PHTF2: variants seen among roughly 807,000 people sequenced by gnomAD.
The protein encoded by PHTF2 is protein PHTF2.
A neutral mutation model predicts 101.2 loss-of-function variants in PHTF2; 60 were observed. The observed-to-expected ratio is 0.59, with a 90% confidence interval of 0.48 to 0.73. The LOEUF (loss-of-function observed/expected upper bound fraction) is 0.73. Ranked by LOEUF, PHTF2 falls within the 30% of genes least tolerant of loss-of-function variation. The pLI, the probability that PHTF2 is intolerant of heterozygous loss-of-function variation, is 0.00. For synonymous variants in PHTF2, 311 were observed against 307.3 expected (o/e 1.01, Z -0.13); for missense variants, 747 against 908.7 (o/e 0.82, Z 2.29).
chr7:77,859,455 A>C (rs1797440732), intron 3 of PHTF2, among the ~76,000 whole-genome samples: 1 of 152,218 alleles, frequency 6.6e-6, no homozygotes, highest in African/African-American at 2.4e-5. Flanking sequence ...TCATGTTCTT[A>C]AAAGTTACGA....
At chr7:77,811,253 T>C (rs1047202561) in intron 1 of PHTF2, among the ~76,000 whole-genome samples, 1 of 152,222 alleles carries the variant, frequency 6.6e-6, no homozygotes, top group Non-Finnish European at 1.5e-5. Flanking sequence ...TTGTGTACTT[T>C]CCAGTGCATT....
intron 3 of PHTF2, among the ~76,000 whole-genome samples, chr7:77,884,537 A>T (rs1381637938): frequency 9.2e-5 from 14 of 152,134 alleles, no homozygotes; most frequent in Non-Finnish European, 1.5e-5. Flanking sequence ...GACTGATAAC[A>T]TTTATTTTTT....
chr7:77,948,778 T>G (rs1806295554), intron 16 of PHTF2, among the ~76,000 whole-genome samples: 1 of 152,162 alleles, frequency 6.6e-6, no homozygotes, highest in Admixed American at 6.5e-5. Flanking sequence ...GGAAGTTAGA[T>G]AATAACAAGT....
At chr7:77,818,327 T>G (rs772590359) in intron 1 of PHTF2, among the ~76,000 whole-genome samples, 16 of 152,228 alleles carry the variant, frequency 1.1e-4, no homozygotes, top group Non-Finnish European at 1.9e-4. Flanking sequence ...CATAAAATCT[T>G]TTCCCAGAAA....
chr7:77,833,956 T>C (rs1795253220), intron 1 of PHTF2, among the ~76,000 whole-genome samples: 1 of 152,174 alleles, frequency 6.6e-6, no homozygotes, highest in African/African-American at 2.4e-5. Flanking sequence ...GAAACTTCTG[T>C]ACATTATTGG....
intron 3 of PHTF2, among the ~76,000 whole-genome samples, chr7:77,881,707 T>G (rs1799439449): frequency 6.6e-6 from 1 of 152,158 alleles, no homozygotes; most frequent in Admixed American, 6.5e-5. Flanking sequence ...TATTCCAGGA[T>G]GTCATGGTTA....
chr7:77,868,393 TC>T (rs1798248939), intron 3 of PHTF2, among the ~76,000 whole-genome samples: 2 of 131,116 alleles, frequency 1.5e-5, no homozygotes, highest in African/African-American at 5.7e-5. Context: ...GGTCTTGAAC[TC>T]CCGGCTTCAA....
intron 2 of PHTF2, among the ~76,000 whole-genome samples, chr7:77,853,632 A>T (rs1796941769): frequency 6.6e-6 from 1 of 151,964 alleles, no homozygotes; most frequent in South Asian, 2.1e-4. Context: ...GAGCTCAAGC[A>T]ATTCGCCTAC....
chr7:77,930,982 G>A (rs181850475), intron 12 of PHTF2, among the ~76,000 whole-genome samples: 5 of 152,200 alleles, frequency 3.3e-5, no homozygotes, highest in Admixed American at 1.3e-4. Flanking sequence ...CATATATACC[G>A]ATGGAACAGA....
At chr7:77,935,871 T>C (rs1043170356) in intron 12 of PHTF2, among the ~76,000 whole-genome samples, 1 of 152,248 alleles carries the variant, frequency 6.6e-6, no homozygotes, top group Non-Finnish European at 1.5e-5. Context: ...TGTTTCTGGC[T>C]TTTTGGTTTC....
At chr7:77,812,735 G>A (rs914686759) in intron 1 of PHTF2, among the ~76,000 whole-genome samples, 7 of 151,942 alleles carry the variant, frequency 4.6e-5, no homozygotes, top group Admixed American at 6.6e-5. Flanking sequence ...GACTACAGGC[G>A]CACGCCACCA....
In PHTF2 at chr7:77,901,752, C is replaced by CT. The variant is rs1801416676; in HGVS notation, c.287-4dup. On this transcript the variant is annotated splice_polypyrimidine_tract_variant and intron_variant, in intron 6 of 19. Transcript: ENST00000416283. Reference sequence around the variant, plus strand: ...AAATATACTCTGTTGTCCTATTTTACTTTTTTCAGGGTCTGCATTTGCAAA... The same window carrying CT: ...AAATATACTCTGTTGTCCTATTTTACTTTTTTTCAGGGTCTGCATTTGCAAA... 7 of 1,456,114 alleles carry CT rather than the reference C, an allele frequency of 4.8e-6. No homozygotes were observed. Among genetic ancestry groups the CT allele is most frequent in the Middle Eastern group, 1.8e-4 (1 of 5,630 alleles). The allele number at this position is 1,456,114 out of a possible 1,614,324, so 90.2% of individuals were successfully genotyped here.
At chr7:77,916,524 A>G (rs1309218693) in intron 9 of PHTF2, among the ~76,000 whole-genome samples, 2 of 152,084 alleles carry the variant, frequency 1.3e-5, no homozygotes, top group African/African-American at 4.8e-5. Flanking sequence ...TTTACACTCC[A>G]GCTTGGGAGA....
At position 77,942,787 on chromosome 7, in the gene PHTF2, G is replaced by A. The variant is rs745779181; in HGVS notation, c.1959+1G>A. The A allele has an allele frequency of 6.6e-7, 1 of 1,516,860 alleles. No homozygotes were observed. The highest frequency in any genetic ancestry group is 9.1e-7 in the Non-Finnish European group (1 of 1,103,904). 94.0% of individuals were successfully genotyped at this position (1,516,860 alleles called of 1,614,324 possible). On this transcript the variant is annotated splice_donor_variant, in intron 16 of 19. Transcript: ENST00000416283. LOFTEE classifies it high-confidence loss of function. The stretch of plus-strand genomic sequence containing the variant: ...AGTTGTATTTATCTGTTGTGCCCAG[G>A]TGAGTTAACTCGCTCCATGTAGAAA...
At chr7:77,841,660 G>A (rs1439677158) in intron 2 of PHTF2, among the ~76,000 whole-genome samples, 1 of 151,936 alleles carries the variant, frequency 6.6e-6, no homozygotes, top group African/African-American at 2.4e-5. Context: ...ACATGCCATA[G>A]GTATACAATT....
At chr7:77,801,323 C>T (rs551155329) in intron 1 of PHTF2, among the ~76,000 whole-genome samples, 7 of 152,318 alleles carry the variant, frequency 4.6e-5, no homozygotes, top group South Asian at 2.1e-4. Context: ...CGGTGGCTCA[C>T]GCCCGTAATC....
intron 1 of PHTF2, among the ~76,000 whole-genome samples, chr7:77,834,287 C>T (rs918363184): frequency 1.3e-4 from 18 of 137,230 alleles, no homozygotes; most frequent in African/African-American, 3.4e-4. Context: ...CACTCCAGCC[C>T]GGGCAACTGA....
At chr7:77,880,413 A>G (rs1799310793) in intron 3 of PHTF2, among the ~76,000 whole-genome samples, 1 of 152,166 alleles carries the variant, frequency 6.6e-6, no homozygotes, top group African/African-American at 2.4e-5. Flanking sequence ...CCCATCCTGT[A>G]TGTAGATACC....
intron 9 of PHTF2, 101 bp downstream of exon 8, chr7:77,910,510 A>G (rs1802287737): frequency 1.3e-6 from 1 of 776,240 alleles, no homozygotes; most frequent in African/African-American, 1.7e-5. Context: ...TAAATGTGAC[A>G]GCCTCATTAT....
Sources: allele counts gnomAD v4.1 joint callset (sites outside exome capture counted in the v4.1 genomes callset), GRCh38; gene constraint gnomAD v4.1.1; transcripts MANE v1.5; gene names NCBI Gene and HGNC (gene_info 2026-07-23, HGNC 2026-07-21).